PMS1: variants seen among roughly 807,000 people sequenced by gnomAD.
PMS1 encodes PMS1 protein homolog 1.
A neutral mutation model predicts 93.1 loss-of-function variants in PMS1; 79 were observed. That is an observed-to-expected ratio of 0.85 (90% CI 0.71 to 1.02). The LOEUF is 1.02. Ranked by LOEUF, PMS1 falls within the 50% of genes least tolerant of loss-of-function variation. The probability of loss-of-function intolerance (pLI) is 0.00; values close to 1 mark genes in which losing one functional copy is unlikely to be tolerated. For missense variants in PMS1, 1,064 were observed against 1,085.3 expected (o/e 0.98, Z 0.28); for synonymous variants, 335 against 363.4 (o/e 0.92, Z 0.89).
intron 5 of PMS1, among the ~76,000 whole-genome samples, chr2:189,835,091 ATTCTT>A (rs1484641379): frequency 2.0e-5 from 3 of 152,264 alleles, no homozygotes; most frequent in Non-Finnish European, 2.9e-5. Context: ...TGAAAAAATT[ATTCTT>A]TTCTTTATCT....
At chr2:189,873,826 A>C (rs553077505) in intron 12 of PMS1, among the ~76,000 whole-genome samples, 170 bp downstream of exon 12, 1 of 152,284 alleles carries the variant, frequency 6.6e-6, no homozygotes, top group Admixed American at 6.5e-5. Flanking sequence ...TCATGGAAGC[A>C]CAAACCCTAT....
At position 189,854,862 on chromosome 2, in the gene PMS1, T is replaced by G. The variant is rs2055148852; in HGVS notation, c.1590T>G (p.Asn530Lys). 3.7e-6 allele frequency: 6 copies of G among 1,609,696 alleles called. No individual in the cohort carries two copies. Among genetic ancestry groups the G allele is most frequent in the Non-Finnish European group, 5.1e-6 (6 of 1,176,408 alleles). ...AAAGTTTACCATGTAAAGTAAGTAATAATAATTATCCAATCCCTGAACAAA... is the reference window on the plus strand; with the variant it reads ...AAAGTTTACCATGTAAAGTAAGTAAGAATAATTATCCAATCCCTGAACAAA... ...PEKSLPCKVS[N>K]NNYPIPEQMN... is the part of the protein sequence containing the mutation. Residue 530 changes from asparagine (N) to lysine (K), a missense_variant, in exon 9 of 13, where the codon AAT becomes AAG. Asn to Lys is a moderately conservative substitution (Grantham distance 94, BLOSUM62 0). Coordinates refer to ENST00000441310, the MANE Select transcript of PMS1 (RefSeq NM_000534.5).
Position 189,877,349 on chromosome 2 carries a change from G to A in PMS1, c.2712G>A (p.Met904Ile), listed in dbSNP as rs2106559508. The A allele has an allele frequency of 1.9e-6, 3 of 1,613,084 alleles. No homozygotes were observed. The highest frequency in any genetic ancestry group is 2.5e-6 in the Non-Finnish European group (3 of 1,179,030). ...ACATCCAAGACATTATCTACAGAAT[G>A]AAGCACCAGTTTGGAAATGAAATTA... ...KEDIQDIIYR[M>I]KHQFGNEIKE... is the part of the protein sequence containing the mutation. The change falls in exon 13 of 13, where the codon ATG (methionine) becomes ATA (isoleucine). Residue 904 changes from methionine (M) to isoleucine (I), a missense_variant. By Grantham distance (10) the Met-to-Ile change is conservative (BLOSUM62 1). Transcript: ENST00000441310.
chr2:189,865,159 TTCC>T (rs1053012537), intron 10 of PMS1, among the ~76,000 whole-genome samples: 198 of 152,288 alleles, frequency 1.3e-3, no homozygotes, highest in African/African-American at 4.5e-3. Context: ...CTTGGAATTT[TTCC>T]TCATTATCTC....
Position 189,791,839 on chromosome 2 carries a change from A to G in PMS1, c.30A>G (p.Arg10=). Residue 10 remains arginine, a synonymous_variant, in exon 2 of 13, where the codon CGA becomes CGG. Transcript: ENST00000441310. MKQLPAATV[R]LLSSSQIITS... ...AACAATTGCCTGCGGCAACAGTTCGACTCCTTTCAAGTTCTCAGATCATCA... is the reference window on the plus strand; with the variant it reads ...AACAATTGCCTGCGGCAACAGTTCGGCTCCTTTCAAGTTCTCAGATCATCA... The G allele has an allele frequency of 6.2e-7, 1 of 1,613,812 alleles. No homozygotes were observed. The highest frequency in any genetic ancestry group is 8.5e-7 in the Non-Finnish European group (1 of 1,179,834).
intron 11 of PMS1, among the ~76,000 whole-genome samples, chr2:189,869,218 C>G (rs918927677): frequency 1.3e-5 from 2 of 152,164 alleles, no homozygotes; most frequent in African/African-American, 2.4e-5. Context: ...GATATTTACT[C>G]CAGGAAGTAT....
chr2:189,812,336 G>C lies in PMS1; in HGVS notation c.419-5681G>C, dbSNP rs144479216. Among the ~76,000 whole-genome samples, 540 of 152,244 alleles carry C rather than the reference G, an allele frequency of 3.5e-3. 4 individuals carry two copies. Among genetic ancestry groups the C allele is most frequent in the Non-Finnish European group, 6.0e-3 (411 of 68,026 alleles). On this transcript the variant is annotated intron_variant, in intron 4 of 12. Coordinates refer to ENST00000441310, the MANE Select transcript of PMS1 (RefSeq NM_000534.5). ...AAAAAGACAAACAAAATTTGATTTA[G>C]ACTTCTATAACCAGTAAAAATGTTT...
chr2:189,851,399 T>G (rs766806396), intron 6 of PMS1, among the ~76,000 whole-genome samples: 3 of 152,142 alleles, frequency 2.0e-5, no homozygotes, highest in Non-Finnish European at 4.4e-5. Flanking sequence ...TTAAGAAGGG[T>G]CTCATGTTAC....
intron 5 of PMS1, among the ~76,000 whole-genome samples, chr2:189,834,427 G>A (rs2053216420): frequency 6.6e-6 from 1 of 152,210 alleles, no homozygotes; most frequent in Non-Finnish European, 1.5e-5. Context: ...AACTAAATGA[G>A]ACATTTCAGT....
chr2:189,836,955 T>C (rs191724616), intron 5 of PMS1, among the ~76,000 whole-genome samples: 5 of 152,354 alleles, frequency 3.3e-5, no homozygotes, highest in African/African-American at 1.2e-4. Context: ...CTAAGATTTA[T>C]ATCTGTATCT....
chr2:189,873,549 C>T lies in PMS1; in HGVS notation c.2527C>T (p.Pro843Ser). 1.2e-6 allele frequency: 2 copies of T among 1,600,350 alleles called. No homozygotes were observed. Among genetic ancestry groups the T allele is most frequent in the Non-Finnish European group, 1.7e-6 (2 of 1,167,754 alleles). The change falls in exon 12 of 13, where the codon CCA becomes TCA. Residue 843 changes from proline to serine, a missense_variant. Physicochemically the swap from Pro to Ser is moderately conservative, Grantham distance 74. Coordinates refer to ENST00000441310, the MANE Select transcript of PMS1 (RefSeq NM_000534.5). The stretch of plus-strand genomic sequence containing the variant: ...AATAGAAGGAATGGCTAATTGTCTC[C>T]CATTCTATGGAGTAGCAGATTTAAA... ...LEIEGMANCL[P>S]FYGVADLKEI...
intron 3 of PMS1, among the ~76,000 whole-genome samples, chr2:189,804,092 C>T (rs1259794319): frequency 6.6e-6 from 1 of 152,130 alleles, no homozygotes; most frequent in Non-Finnish European, 1.5e-5. Flanking sequence ...TCACCCTTCC[C>T]TTAAAGATGA....
intron 6 of PMS1, among the ~76,000 whole-genome samples, chr2:189,844,334 T>C (rs2106415654): frequency 6.6e-6 from 1 of 152,278 alleles, no homozygotes; most frequent in Middle Eastern, 3.4e-3. Flanking sequence ...CTTTTCTGTT[T>C]ACTTTCTACT....
chr2:189,804,796 A>T (rs919590965), intron 3 of PMS1, among the ~76,000 whole-genome samples: 7 of 152,262 alleles, frequency 4.6e-5, no homozygotes, highest in African/African-American at 1.7e-4. Context: ...GCCAAGAAAG[A>T]TTACTCCCAA....
rs757843914 is a variant in PMS1, at chr2:189,854,326, G to A, written c.1054G>A (p.Asp352Asn). 1.9e-5 allele frequency: 30 copies of A among 1,595,494 alleles called. No individual in the cohort carries two copies. Among genetic ancestry groups the A allele is most frequent in the Non-Finnish European group, 2.6e-5 (30 of 1,171,264 alleles). ...AAATTCTTATGAAAATAATAAAACA[G>A]ATGTTTCCGCAGCTGACATCGTTCT... ...STNSYENNKT[D>N]VSAADIVLSK... The change falls in exon 9 of 13, where the codon GAT becomes AAT. Residue 352 changes from aspartate (D) to asparagine (N), a missense_variant. By Grantham distance (23) the Asp-to-Asn change is conservative. Coordinates refer to ENST00000441310, the MANE Select transcript of PMS1 (RefSeq NM_000534.5).
chr2:189,821,857 C>T (rs1412209622), intron 5 of PMS1, among the ~76,000 whole-genome samples: 1 of 152,064 alleles, frequency 6.6e-6, no homozygotes, highest in Admixed American at 6.5e-5. Context: ...TATTACTTCA[C>T]GTGATAAAAA....
intron 5 of PMS1, among the ~76,000 whole-genome samples, chr2:189,823,117 TA>T (rs2052091956): frequency 6.6e-6 from 1 of 152,164 alleles, no homozygotes; most frequent in Admixed American, 6.5e-5. Context: ...TCTTGATCTC[TA>T]AAACTAGGCA....
At chr2:189,806,783 A>G (rs952000981) in intron 4 of PMS1, 2 of 201,446 alleles carry the variant, frequency 9.9e-6, no homozygotes, top group Non-Finnish European at 2.0e-5. Context: ...ATCTCCTTTA[A>G]TCTTTTTTTA....
intron 5 of PMS1, among the ~76,000 whole-genome samples, chr2:189,837,065 T>G (rs2053440294): frequency 1.3e-5 from 2 of 152,216 alleles, no homozygotes; most frequent in Non-Finnish European, 2.9e-5. Flanking sequence ...AAAACATTAG[T>G]TTTTTGAAAT....
Sources: allele counts gnomAD v4.1 joint callset (sites outside exome capture counted in the v4.1 genomes callset), GRCh38; gene constraint gnomAD v4.1.1; transcripts MANE v1.5; gene names NCBI Gene and HGNC (gene_info 2026-07-23, HGNC 2026-07-21).